Variants in GNS observed in about 807,000 individuals in gnomAD.
GNS encodes the protein N-acetylglucosamine-6-sulfatase.
GNS carries 40 observed loss-of-function variants against 69.7 expected under a neutral mutation model. That is an observed-to-expected ratio of 0.57 (90% CI 0.45 to 0.75). The LOEUF is 0.75. Ranked by LOEUF, GNS falls within the 30% of genes least tolerant of loss-of-function variation. The pLI, the probability that GNS is intolerant of heterozygous loss-of-function variation, is 0.00. For synonymous variants in GNS, 243 were observed against 251.6 expected, an observed-to-expected ratio of 0.97 and a Z score of 0.32; for missense variants, 565 against 685.5, an observed-to-expected ratio of 0.82 and a Z score of 1.96.
At chr12:64,735,093 G>C (rs1869522280) in intron 9 of GNS, among the ~76,000 whole-genome samples, 1 of 152,172 alleles carries the variant, frequency 6.6e-6, no homozygotes, top group Admixed American at 6.5e-5. Flanking sequence ...CTGGGTGACA[G>C]AGCAAGACTC....
In GNS at chr12:64,744,807, AC is replaced by A; in HGVS notation, c.624+1del. On this transcript the variant is annotated splice_donor_variant, in intron 5 of 13. Transcript: ENST00000258145. LOFTEE classifies it high-confidence loss of function. ...CAGAGCTACAAAGCTTCTGCAACTC[AC>A]CAAAACATCTGTCAGGTAGTCCACA... 1 of 1,433,812 alleles carries A rather than the reference AC, an allele frequency of 7.0e-7. No individual in the cohort carries two copies. Among genetic ancestry groups the A allele is most frequent in the Non-Finnish European group, 9.9e-7 (1 of 1,015,138 alleles). The allele number at this position is 1,433,812 out of a possible 1,614,324, so 88.8% of individuals were successfully genotyped here. A position where few individuals can be genotyped will look rare whatever the true frequency, so the allele number is the denominator to read the frequency against.
At position 64,759,300 on chromosome 12, in the gene GNS, C is replaced by CCGGGA. The variant is rs559286032; in HGVS notation, c.-29_-25dup. Reference sequence around the variant, plus strand: ...ATAGCGGACAGGCTCCGGGGTGACCCCGGGACGGGACGGGACGGAGGGACG... The same window carrying CCGGGA: ...ATAGCGGACAGGCTCCGGGGTGACCCCGGGACGGGACGGGACGGGACGGAGGGACG... On this transcript the variant is annotated 5_prime_UTR_variant, in exon 1 of 14. Coordinates refer to ENST00000258145, the MANE Select transcript of GNS (RefSeq NM_002076.4). The CCGGGA allele has an allele frequency of 2.1e-3, 3,149 of 1,467,660 alleles. 8 individuals are homozygous for CCGGGA. The highest frequency in any genetic ancestry group is 2.5e-3 in the Non-Finnish European group (2,749 of 1,105,608). 90.9% of individuals were successfully genotyped at this position (1,467,660 alleles called of 1,614,324 possible). A position where few individuals can be genotyped will look rare whatever the true frequency, so the allele number is the denominator to read the frequency against.
At chr12:64,737,948 T>C (rs1214714008) in intron 8 of GNS, among the ~76,000 whole-genome samples, 2 of 151,986 alleles carry the variant, frequency 1.3e-5, no homozygotes, top group African/African-American at 2.4e-5. Flanking sequence ...CCCTGTAAAT[T>C]CGTGGCAAAT....
At chr12:64,731,068 A>G (rs1592497337) in intron 9 of GNS, among the ~76,000 whole-genome samples, 1 of 151,972 alleles carries the variant, frequency 6.6e-6, no homozygotes, top group African/African-American at 2.4e-5. Context: ...AGGTGGGGGG[A>G]AGCTCTTTTT....
rs773575026 is a variant in GNS at position 64,752,678 on chromosome 12, G to T, written c.252+20C>A. 1.6e-6 allele frequency: 2 copies of T among 1,281,584 alleles called. No individual in the cohort carries two copies. Among genetic ancestry groups the T allele is most frequent in the Admixed American group, 1.7e-5 (1 of 59,224 alleles). The allele number at this position is 1,281,584 out of a possible 1,614,324, so 79.4% of individuals were successfully genotyped here. On this transcript the variant is annotated intron_variant, in intron 2 of 13. Transcript: ENST00000258145. ...CAAACACAGTTAAATTAACAAAATT[G>T]AATTAACTTTCAAACTTACAGCACT...
chr12:64,747,503 A>T (rs1869930724), intron 3 of GNS, among the ~76,000 whole-genome samples: 1 of 152,222 alleles, frequency 6.6e-6, no homozygotes. Context: ...ATATAAATAC[A>T]CAAGTTCTTA....
At chr12:64,722,442 C>T (rs569909001) in intron 11 of GNS, among the ~76,000 whole-genome samples, 1 of 152,192 alleles carries the variant, frequency 6.6e-6, no homozygotes, top group Non-Finnish European at 1.5e-5. Flanking sequence ...TCACCAGGTA[C>T]GACTTAAATC....
intron 2 of GNS, among the ~76,000 whole-genome samples, chr12:64,751,936 C>A (rs1405181230): frequency 1.5e-5 from 2 of 131,790 alleles, no homozygotes; most frequent in South Asian, 2.3e-4. Context: ...TGCAGTGAGT[C>A]GAGATTGCGC....
At position 64,721,601 on chromosome 12, in the gene GNS, G is replaced by A; in HGVS notation, c.1413C>T (p.Asp471=). 6.8e-7 allele frequency: 1 copy of A among 1,473,214 alleles called. No homozygotes were observed. Among genetic ancestry groups the A allele is most frequent in the Non-Finnish European group, 9.5e-7 (1 of 1,051,306 alleles). The allele number at this position is 1,473,214 out of a possible 1,614,324, so 91.3% of individuals were successfully genotyped here. The change falls in exon 12 of 14, where the codon GAC becomes GAT. Residue 471 remains aspartate, a synonymous_variant. Transcript: ENST00000258145. ...LWNLQYCEFD[D]QEVFVEVYNL... is the part of the protein sequence containing the mutation. ...AGGCAGAAGTCCCTCTTACCTCCTG[G>A]TCATCAAACTCGCAATACTGCAAAT...
chr12:64,756,673 C>G, intron 1 of GNS: 1 of 1,140,344 alleles, frequency 8.8e-7, no homozygotes. Context: ...ATACTCTGCT[C>G]GGCTCCAAGT....
intron 2 of GNS, among the ~76,000 whole-genome samples, chr12:64,749,500 C>T (rs1211119262): frequency 6.6e-6 from 1 of 152,122 alleles, no homozygotes; most frequent in Non-Finnish European, 1.5e-5. Flanking sequence ...GATCCACCCG[C>T]CTTGGCCTCC....
At chr12:64,743,461 T>A (rs1869809223) in intron 5 of GNS, among the ~76,000 whole-genome samples, 153 bp from the exon 6 acceptor site, 1 of 152,256 alleles carries the variant, frequency 6.6e-6, no homozygotes, top group African/African-American at 2.4e-5. Flanking sequence ...TGCAAGCATA[T>A]TGTTGGAACA....
intron 1 of GNS, among the ~76,000 whole-genome samples, chr12:64,758,043 T>A (rs1451208040): frequency 1.3e-5 from 2 of 152,210 alleles, no homozygotes; most frequent in Non-Finnish European, 2.9e-5. Flanking sequence ...GGCAAGTTGC[T>A]TTCTGGGCCT....
chr12:64,755,524 G>A (rs1870222343), intron 1 of GNS, among the ~76,000 whole-genome samples: 2 of 148,654 alleles, frequency 1.3e-5, no homozygotes, highest in Admixed American at 6.7e-5. Flanking sequence ...GTTGCAGTGG[G>A]CCGAGATCGC....
rs772724978 is a variant in GNS at position 64,747,717 on chromosome 12, T to TTAAATA, written c.448_453dup (p.Tyr150_Leu151dup). Reference sequence around the variant, plus strand: ...AAACAGATCATTCAACATACCTCATTTAAATATTTCCCTGCAAAAAAGGTC... The same window carrying TTAAATA: ...AAACAGATCATTCAACATACCTCATTTAAATATAAATATTTCCCTGCAAAAAAGGTC... On this transcript the variant is annotated inframe_insertion, in exon 3 of 14. Transcript: ENST00000258145. 6.4e-7 allele frequency: 1 copy of TTAAATA among 1,551,024 alleles called. No homozygotes were observed.
At chr12:64,738,688 C>T (rs1869627622) in intron 8 of GNS, among the ~76,000 whole-genome samples, 1 of 152,036 alleles carries the variant, frequency 6.6e-6, no homozygotes, top group Non-Finnish European at 1.5e-5. Context: ...TGGCGTGTGC[C>T]TGTAGTCCCA....
At chr12:64,743,084 A>G in intron 6 of GNS, 57 bp downstream of exon 6, 1 of 1,311,122 alleles carries the variant, frequency 7.6e-7, no homozygotes, top group African/African-American at 1.4e-5. Flanking sequence ...CCTGACAAGT[A>G]TACCATATAG....
At chr12:64,745,581 C>A (rs1869873954) in intron 4 of GNS, 78 bp downstream of exon 4, 1 of 888,556 alleles carries the variant, frequency 1.1e-6, no homozygotes, top group African/African-American at 1.6e-5. Flanking sequence ...AAAGTTATGT[C>A]AATATCAGAG....
At chr12:64,735,143 T>C (rs1206079810) in intron 9 of GNS, among the ~76,000 whole-genome samples, 1 of 152,174 alleles carries the variant, frequency 6.6e-6, no homozygotes, top group Non-Finnish European at 1.5e-5. Flanking sequence ...AAACTCATCT[T>C]GTTTGATTGC....
Sources: gnomAD v4.1 joint callset for allele counts (sites outside exome capture counted in the v4.1 genomes callset) on GRCh38, gnomAD v4.1.1 for gene constraint, MANE v1.5 for transcripts, NCBI Gene and HGNC (gene_info 2026-07-23, HGNC 2026-07-21) for gene names.